Variants in RBMS1 observed in about 807,000 individuals in gnomAD.
The protein encoded by RBMS1 is RNA binding motif single stranded interacting protein 1.
In RBMS1, 17 loss-of-function variants were observed where a neutral mutation model predicts 62.3. The ratio of observed to expected loss-of-function variants is 0.27; its 90% CI spans 0.19 to 0.41. The LOEUF is 0.41. Ranked by LOEUF, RBMS1 falls within the 10% of genes least tolerant of loss-of-function variation. The pLI is 1.00. For missense variants in RBMS1, 334 were observed against 504.5 expected, an observed-to-expected ratio of 0.66 and a Z score of 3.24; for synonymous variants, 172 against 170.0, an observed-to-expected ratio of 1.01 and a Z score of -0.09.
At chr2:160,347,665 A>G (rs2106001635) in intron 2 of RBMS1, among the ~76,000 whole-genome samples, 1 of 152,196 alleles carries the variant, frequency 6.6e-6, no homozygotes, top group East Asian at 1.9e-4. Flanking sequence ...CTGTCTACCA[A>G]TTTCTATCTG....
At position 160,438,173 on chromosome 2, in the gene RBMS1, T is replaced by C. The variant is rs376366748; in HGVS notation, c.75+55116A>G. ...AAGTAAAGAATATTCTTCGAGATCA[T>C]TATAGCAGACTCCATAGGGGAATCA... On this transcript the variant is annotated intron_variant, in intron 1 of 13. Coordinates refer to ENST00000348849, the MANE Select transcript of RBMS1 (RefSeq NM_016836.4). Among the ~76,000 whole-genome samples, 27 of 152,270 alleles carry C rather than the reference T, an allele frequency of 1.8e-4. No homozygotes were observed. The East Asian group carries it at 5.0e-3, about 28-fold the overall frequency.
chr2:160,465,919 A>G (rs1484596064), intron 1 of RBMS1, among the ~76,000 whole-genome samples: 1 of 150,224 alleles, frequency 6.7e-6, no homozygotes, highest in Non-Finnish European at 1.5e-5. Flanking sequence ...CAATCTTTAC[A>G]TAGTAGTTAA....
At chr2:160,421,155 T>TA (rs369669530) in intron 1 of RBMS1, among the ~76,000 whole-genome samples, 3,447 of 151,640 alleles carry the variant, frequency 0.023, 60 homozygotes, top group Non-Finnish European at 0.036. Context: ...TTTTTTTTTT[T>TA]ATTATTATAC....
chr2:160,350,062 C>T (rs1692410544), intron 2 of RBMS1, among the ~76,000 whole-genome samples: 1 of 151,886 alleles, frequency 6.6e-6, no homozygotes, highest in Admixed American at 6.6e-5. Context: ...CCAAGGAGTC[C>T]ACTATGGCTG....
chr2:160,383,736 G>A (rs1020396952), intron 1 of RBMS1, among the ~76,000 whole-genome samples: 1 of 152,070 alleles, frequency 6.6e-6, no homozygotes, highest in Non-Finnish European at 1.5e-5. Flanking sequence ...TATGTAATCA[G>A]AGCACATACA....
At chr2:160,472,127 C>G (rs1191242941) in intron 1 of RBMS1, among the ~76,000 whole-genome samples, 1 of 151,994 alleles carries the variant, frequency 6.6e-6, no homozygotes, top group Non-Finnish European at 1.5e-5. Flanking sequence ...GCTTCAGTGA[C>G]CTAAATTGAG....
intron 1 of RBMS1, among the ~76,000 whole-genome samples, chr2:160,458,304 C>G (rs1684327268): frequency 6.6e-6 from 1 of 152,126 alleles, no homozygotes; most frequent in Non-Finnish European, 1.5e-5. Context: ...CAGAAACTTG[C>G]CACGGAAACT....
chr2:160,325,142 C>A (rs1435610496), intron 2 of RBMS1, among the ~76,000 whole-genome samples: 1 of 151,852 alleles, frequency 6.6e-6, no homozygotes, highest in African/African-American at 2.4e-5. Flanking sequence ...CTTGGGTCAC[C>A]AACCACAGAC....
At chr2:160,295,634 T>C (rs1043432362) in intron 6 of RBMS1, among the ~76,000 whole-genome samples, 5 of 152,182 alleles carry the variant, frequency 3.3e-5, no homozygotes, top group Admixed American at 3.3e-4. Context: ...GGTTTGGAAA[T>C]CTAGGGCTTT....
chr2:160,376,104 C>T (rs1693984134), intron 1 of RBMS1, among the ~76,000 whole-genome samples: 1 of 152,106 alleles, frequency 6.6e-6, no homozygotes, highest in Non-Finnish European at 1.5e-5. Context: ...TGAATTACCG[C>T]TGAGATTGTA....
intron 1 of RBMS1, among the ~76,000 whole-genome samples, chr2:160,458,658 G>A (rs761087834): frequency 7.9e-5 from 12 of 152,150 alleles, no homozygotes; most frequent in African/African-American, 1.9e-4. Context: ...TGAACTGGGC[G>A]TGGTGGCGCA....
chr2:160,340,406 A>G (rs1463787979), intron 2 of RBMS1, among the ~76,000 whole-genome samples: 1 of 152,144 alleles, frequency 6.6e-6, no homozygotes, highest in African/African-American at 2.4e-5. Context: ...CCCAGGAGGT[A>G]GAGGCCCAAC....
chr2:160,391,325 A>G (rs1202750708), intron 1 of RBMS1, among the ~76,000 whole-genome samples: 1 of 151,736 alleles, frequency 6.6e-6, no homozygotes, highest in Admixed American at 6.6e-5. Flanking sequence ...AACTACTAGA[A>G]GCTAAGAGAG....
At position 160,272,297 on chromosome 2, in the gene RBMS1, G is replaced by A. The variant is rs1331493217; in HGVS notation, c.*2475C>T. 2 of 152,008 alleles carry A rather than the reference G, an allele frequency of 1.3e-5. No individual in the cohort carries two copies. The highest frequency in any genetic ancestry group is 2.4e-5 in the African/African-American group (1 of 41,384). The allele number at this position is 152,008 out of a possible 1,614,324, so 9.4% of individuals were successfully genotyped here. A position where few individuals can be genotyped will look rare whatever the true frequency, so the allele number is the denominator to read the frequency against. On this transcript the variant is annotated 3_prime_UTR_variant, in exon 14 of 14. Transcript: ENST00000348849. ...GAAAACTACAGAGTTATCTTGAACCGGACAAATAAGTTACCACTGGCAAGT... is the reference window on the plus strand; with the variant it reads ...GAAAACTACAGAGTTATCTTGAACCAGACAAATAAGTTACCACTGGCAAGT...
At chr2:160,306,078 G>T (rs1220502731) in intron 4 of RBMS1, among the ~76,000 whole-genome samples, 1 of 152,050 alleles carries the variant, frequency 6.6e-6, no homozygotes, top group East Asian at 1.9e-4. Flanking sequence ...GTAATGAGTT[G>T]TGATCATGCT....
intron 2 of RBMS1, among the ~76,000 whole-genome samples, chr2:160,341,845 C>T (rs1414692506): frequency 6.6e-6 from 1 of 152,204 alleles, no homozygotes; most frequent in East Asian, 1.9e-4. Flanking sequence ...TGAACCTGGG[C>T]AAGACCTAAG....
At chr2:160,471,718 A>ATATATATATATATATATAG (rs1357101386) in intron 1 of RBMS1, among the ~76,000 whole-genome samples, 1 of 14,504 alleles carries the variant, frequency 6.9e-5, no homozygotes, top group East Asian at 2.8e-3. Context: ...TATATATATA[A>ATATATATATATATATATAG]CCTTTCATAC....
At chr2:160,449,183 G>A (rs368841422) in intron 1 of RBMS1, among the ~76,000 whole-genome samples, 3 of 151,108 alleles carry the variant, frequency 2.0e-5, no homozygotes, top group Non-Finnish European at 2.9e-5. Context: ...CCGGGCAGCC[G>A]CACCGTCCAG....
Position 160,337,805 on chromosome 2 carries a change from G to C in RBMS1, c.252-19578C>G, listed in dbSNP as rs142679098. Reference sequence around the variant, plus strand: ...CACATGATGTTAGGGGAGCAATCAGGGAAGCCACTAGCTCTTAGGGCACCT... The same window carrying C: ...CACATGATGTTAGGGGAGCAATCAGCGAAGCCACTAGCTCTTAGGGCACCT... On this transcript the variant is annotated intron_variant, in intron 2 of 13. Coordinates refer to ENST00000348849, the MANE Select transcript of RBMS1 (RefSeq NM_016836.4). 9.2e-5 allele frequency among the ~76,000 whole-genome samples: 14 copies of C among 152,226 alleles called. No homozygotes were observed. In the East Asian group the frequency reaches 2.7e-3, roughly 29 times the overall value.
Sources: allele counts gnomAD v4.1 joint callset (sites outside exome capture counted in the v4.1 genomes callset), GRCh38; gene constraint gnomAD v4.1.1; transcripts MANE v1.5; gene names NCBI Gene and HGNC (gene_info 2026-07-23, HGNC 2026-07-21).